Variants in PUM3 observed in about 807,000 individuals in gnomAD.
PUM3 encodes the protein pumilio RNA binding family member 3.
PUM3 carries 91 observed loss-of-function variants against 84.0 expected under a neutral mutation model. That is an observed-to-expected ratio of 1.08 (90% confidence interval 0.91 to 1.29). The LOEUF is 1.29. Among genes scored for constraint, PUM3 ranks in the 50% most tolerant of loss-of-function variants. The pLI is 0.00. For missense variants in PUM3, 1,067 were observed against 767.5 expected (o/e 1.39, Z -4.61); for synonymous variants, 321 against 266.7 (o/e 1.20, Z -1.98).
chr9:2,831,191 T>G (rs1436878904), intron 6 of PUM3, 60 bp downstream of exon 6: 2 of 1,248,812 alleles, frequency 1.6e-6, no homozygotes, highest in Non-Finnish European at 2.3e-6. Context: ...TTGGGTATTT[T>G]AAGAGAAAAC....
In PUM3 at chr9:2,806,524, G is replaced by A. The variant is rs369584268; in HGVS notation, c.1814+1290C>T. ...AAGTATCTTGAGAAATTCAAACTAG[G>A]GTTGGTATCTGTTTTCCCAAACCTT... On this transcript the variant is annotated intron_variant, in intron 17 of 17. Coordinates refer to ENST00000397885, the MANE Select transcript of PUM3 (RefSeq NM_014878.5). Among the ~76,000 whole-genome samples, 6 of 152,228 alleles carry A rather than the reference G, an allele frequency of 3.9e-5. No homozygotes were observed. The East Asian group carries it at 1.2e-3, about 29-fold the overall frequency.
chr9:2,817,155 A>T (rs1821486319), intron 13 of PUM3, among the ~76,000 whole-genome samples: 2 of 152,252 alleles, frequency 1.3e-5, no homozygotes, highest in Admixed American at 1.3e-4. Flanking sequence ...AGCAAAAATT[A>T]AGAATTAAAG....
intron 13 of PUM3, 118 bp downstream of exon 13, chr9:2,819,900 A>G (rs1341059628): frequency 7.0e-6 from 4 of 567,386 alleles, no homozygotes; most frequent in Non-Finnish European, 1.3e-5. Flanking sequence ...AAAGTAAGCA[A>G]AAATACTGAT....
intron 3 of PUM3, 127 bp downstream of exon 3, chr9:2,837,053 A>T: frequency 2.7e-6 from 2 of 750,900 alleles, no homozygotes; most frequent in Non-Finnish European, 4.5e-6. Context: ...TTGTTTATTT[A>T]AGCCACCTAC....
chr9:2,814,371 C>T (rs1821430852), intron 13 of PUM3, among the ~76,000 whole-genome samples: 1 of 152,100 alleles, frequency 6.6e-6, no homozygotes, highest in Non-Finnish European at 1.5e-5. Context: ...CTATGACACC[C>T]AGCTTATTTT....
chr9:2,843,502 G>T (rs559589517), intron 1 of PUM3, among the ~76,000 whole-genome samples: 37 of 152,192 alleles, frequency 2.4e-4, no homozygotes, highest in African/African-American at 8.2e-4. Flanking sequence ...TGGGATTCCG[G>T]AGTGAAGCTA....
chr9:2,820,198 G>C (rs1178261198), intron 12 of PUM3, 100 bp from the exon 13 acceptor site: 2 of 321,510 alleles, frequency 6.2e-6, no homozygotes, highest in Non-Finnish European at 5.2e-6. Context: ...GCGAGACTCC[G>C]CTCAAAAAAA....
Position 2,838,475 on chromosome 9 carries a change from T to C in PUM3, c.33A>G (p.Gly11=). The C allele has an allele frequency of 6.2e-7, 1 of 1,613,718 alleles. No homozygotes were observed. The highest frequency in any genetic ancestry group is 1.1e-5 in the South Asian group (1 of 91,052). MEVKGKKQFT[G]KSTKTAQEKN... is the part of the protein sequence containing the mutation. ...TTTCTTGTGCTGTCTTTGTACTCTT[T>C]CCTGTGAATTGCTTTTTCCCTTTAA... Residue 11 remains glycine, a synonymous_variant, in exon 2 of 18, where the codon GGA becomes GGG. Transcript: ENST00000397885.
intron 7 of PUM3, 140 bp from the exon 8 acceptor site, chr9:2,830,088 G>T: frequency 1.6e-6 from 1 of 641,794 alleles, no homozygotes; most frequent in Non-Finnish European, 2.6e-6. Context: ...GCATTGAGAA[G>T]CTGTGGCCAG....
At chr9:2,841,341 G>A (rs2129897854) in intron 1 of PUM3, among the ~76,000 whole-genome samples, 1 of 152,242 alleles carries the variant, frequency 6.6e-6, no homozygotes, top group Non-Finnish European at 1.5e-5. Context: ...CCAGCACTTT[G>A]GGAGGCTGAG....
chr9:2,830,060 G>A (rs1815934442), intron 7 of PUM3, 112 bp from the exon 8 acceptor site: 6 of 858,346 alleles, frequency 7.0e-6, no homozygotes, highest in African/African-American at 1.7e-5. Context: ...TCACTCTGAG[G>A]AGTAAATGAG....
intron 3 of PUM3, among the ~76,000 whole-genome samples, chr9:2,836,053 G>C (rs1324639576): frequency 6.6e-6 from 1 of 151,818 alleles, no homozygotes; most frequent in Admixed American, 6.6e-5. Flanking sequence ...AGATGAGGGA[G>C]AAAGAAAAAA....
At chr9:2,839,980 T>C (rs943130509) in intron 1 of PUM3, among the ~76,000 whole-genome samples, 2 of 152,232 alleles carry the variant, frequency 1.3e-5, no homozygotes, top group African/African-American at 2.4e-5. Context: ...GTTTTTCCAC[T>C]AATATCCTCT....
chr9:2,830,610 A>T (rs1815950036), intron 7 of PUM3, among the ~76,000 whole-genome samples: 1 of 152,164 alleles, frequency 6.6e-6, no homozygotes. Context: ...CTATGCTACA[A>T]TACCAGTCTA....
At chr9:2,842,167 A>G (rs1374026462) in intron 1 of PUM3, among the ~76,000 whole-genome samples, 1 of 152,154 alleles carries the variant, frequency 6.6e-6, no homozygotes, top group Non-Finnish European at 1.5e-5. Flanking sequence ...GTACCTTCGT[A>G]ATGAATCATC....
chr9:2,827,790 A>T (rs573177943), intron 9 of PUM3, among the ~76,000 whole-genome samples: 38 of 152,330 alleles, frequency 2.5e-4, no homozygotes, highest in Admixed American at 9.8e-4. Context: ...TGGAACAACC[A>T]ACCCATTTAA....
chr9:2,816,062 C>T (rs1821461301), intron 13 of PUM3, among the ~76,000 whole-genome samples: 1 of 152,110 alleles, frequency 6.6e-6, no homozygotes, highest in African/African-American at 2.4e-5. Context: ...AGGGTTAAGG[C>T]GTGTGCGTTT....
In PUM3 at chr9:2,831,262, T is replaced by C; in HGVS notation, c.599A>G (p.Glu200Gly). The change falls in exon 6 of 18, where the codon GAA (glutamate) becomes GGA (glycine). Residue 200 changes from glutamate (E) to glycine (G), a missense_variant. Physicochemically the swap from Glu to Gly is moderately conservative, Grantham distance 98. Transcript: ENST00000397885. ...GNEEQRKQAF[E>G]ELRDDLVELS... is the part of the protein sequence containing the mutation. ...TATGTAATAAATACCTCGCAATTCTTCAAAAGCCTGTTTTCTCTGTTCTTC... is the reference window on the plus strand; with the variant it reads ...TATGTAATAAATACCTCGCAATTCTCCAAAAGCCTGTTTTCTCTGTTCTTC... 1 of 1,595,058 alleles carries C rather than the reference T, an allele frequency of 6.3e-7. No individual in the cohort carries two copies. The highest frequency in any genetic ancestry group is 8.6e-7 in the Non-Finnish European group (1 of 1,165,668).
chr9:2,829,119 T>C (rs1815904584), intron 8 of PUM3, among the ~76,000 whole-genome samples: 1 of 152,216 alleles, frequency 6.6e-6, no homozygotes, highest in African/African-American at 2.4e-5. Flanking sequence ...TCCTATTAAA[T>C]ATAACGAACT....
Sources: gnomAD v4.1 joint callset for allele counts (sites outside exome capture counted in the v4.1 genomes callset) on GRCh38, gnomAD v4.1.1 for gene constraint, MANE v1.5 for transcripts, NCBI Gene and HGNC (gene_info 2026-07-23, HGNC 2026-07-21) for gene names.